Variants in CDH18 observed in about 807,000 individuals in gnomAD.
CDH18 encodes the protein cadherin-18.
CDH18 carries 31 observed loss-of-function variants against 67.9 expected under a neutral mutation model. That is an observed-to-expected ratio of 0.46 (90% CI 0.34 to 0.62). CDH18 has a LOEUF of 0.62. CDH18 is among the 20% of genes least tolerant of loss of function. The pLI is 0.01. For synonymous variants in CDH18, 362 were observed against 347.2 expected, an observed-to-expected ratio of 1.04 and a Z score of -0.48; for missense variants, 890 against 975.5, an observed-to-expected ratio of 0.91 and a Z score of 1.17.
chr5:19,962,576 C>A (rs1797030632), intron 2 of CDH18, among the ~76,000 whole-genome samples: 2 of 151,632 alleles, frequency 1.3e-5, no homozygotes, highest in Non-Finnish European at 2.9e-5. Flanking sequence ...GAGTATGAAA[C>A]CAGCTTGGCC....
chr5:20,217,139 A>G (rs998386276), intron 2 of CDH18, among the ~76,000 whole-genome samples: 1 of 151,898 alleles, frequency 6.6e-6, no homozygotes, highest in African/African-American at 2.4e-5. Flanking sequence ...AGAAAATGCT[A>G]AAGAGAGTTC....
intron 6 of CDH18, among the ~76,000 whole-genome samples, chr5:19,594,986 A>G (rs896005838): frequency 6.6e-6 from 1 of 152,196 alleles, no homozygotes; most frequent in African/African-American, 2.4e-5. Flanking sequence ...TCAGAATGAA[A>G]TAAGTAAAAC....
chr5:20,453,194 T>A (rs560818848), intron 1 of CDH18, among the ~76,000 whole-genome samples: 1 of 152,312 alleles, frequency 6.6e-6, no homozygotes, highest in South Asian at 2.1e-4. Flanking sequence ...ATAAACGGTA[T>A]GCATTACCAT....
intron 3 of CDH18, among the ~76,000 whole-genome samples, chr5:19,837,269 G>A (rs905717493): frequency 6.6e-6 from 1 of 152,078 alleles, no homozygotes; most frequent in African/African-American, 2.4e-5. Context: ...GGGGTTGGGG[G>A]CTAGGGGAGG....
rs377664098 is a variant in CDH18, at chr5:19,571,639, A to G, written c.1193T>C (p.Ile398Thr). The change falls in exon 8 of 13, where the codon ATT (isoleucine) becomes ACT (threonine). Residue 398 changes from isoleucine (I) to threonine (T), a missense_variant. Around this residue, in one of 2 missense-constraint regions of CDH18, gnomAD observed 656 missense variants for 668.1 expected, o/e 0.98. Transcript: ENST00000382275. ...CAAAACTGTACCAACGACGGTCCCAATCTTGGCATTTTCGTAGACTTCCAT... is the reference window on the plus strand; with the variant it reads ...CAAAACTGTACCAACGACGGTCCCAGTCTTGGCATTTTCGTAGACTTCCAT... ...YLMEVYENAK[I>T]GTVVGTVLAQ... 1.2e-6 allele frequency: 2 copies of G among 1,613,848 alleles called. No homozygotes were observed. The highest frequency in any genetic ancestry group is 2.2e-5 in the East Asian group (1 of 44,874).
At chr5:20,035,787 T>A (rs1380543750) in intron 2 of CDH18, among the ~76,000 whole-genome samples, 3 of 152,070 alleles carry the variant, frequency 2.0e-5, no homozygotes, top group African/African-American at 7.2e-5. Context: ...TCAGAAATAT[T>A]AACTTGCTGA....
At chr5:20,284,486 C>T (rs953133015) in intron 1 of CDH18, among the ~76,000 whole-genome samples, 1 of 151,920 alleles carries the variant, frequency 6.6e-6, no homozygotes, top group Non-Finnish European at 1.5e-5. Context: ...ACATGCCTAC[C>T]ATAATCCACT....
chr5:19,875,636 T>A (rs1239664698), intron 2 of CDH18, among the ~76,000 whole-genome samples: 1 of 151,960 alleles, frequency 6.6e-6, no homozygotes, highest in Non-Finnish European at 1.5e-5. Context: ...ACACATAAAA[T>A]CATAATTTTG....
In CDH18 at chr5:19,543,956, C is replaced by T. The variant is rs1310571340; in HGVS notation, c.1303G>A (p.Ala435Thr). Residue 435 changes from alanine to threonine, a missense_variant, in exon 9 of 13, where the codon GCC (alanine) becomes ACC (threonine). Ala to Thr is a moderately conservative substitution (Grantham distance 58). Coordinates refer to ENST00000382275, the MANE Select transcript of CDH18 (RefSeq NM_004934.5). Reference protein sequence around the residue: ...VEDDRFFNIDANTGTIRTTKV... With the variant: ...VEDDRFFNIDTNTGTIRTTKV... Reference sequence around the variant, plus strand: ...GTAGTCCTAATGGTCCCAGTATTGGCATCAATGTTGAAAAATCTGTCGTCT... The same window carrying T: ...GTAGTCCTAATGGTCCCAGTATTGGTATCAATGTTGAAAAATCTGTCGTCT... The T allele has an allele frequency of 6.9e-6, 11 of 1,594,640 alleles. No homozygotes were observed. The Admixed American group carries it at 1.2e-4, about 17-fold the overall frequency.
Position 20,115,270 on chromosome 5 carries a change from C to CTTTTTTTTTTTTT in CDH18, c.-517-123269_-517-123257dup, listed in dbSNP as rs753438800. On this transcript the variant is annotated intron_variant, in intron 2 of 14. Transcript: ENST00000507958. ...TGGGGCTCCACTCTCAGGGCCTCAT[C>CTTTTTTTTTTTTT]TTTTTTTTTTTTTTTTTTTTTTTTT... Among the ~76,000 whole-genome samples, 17 of 58,140 alleles carry CTTTTTTTTTTTTT rather than the reference C, an allele frequency of 2.9e-4. 3 individuals are homozygous for CTTTTTTTTTTTTT. Among genetic ancestry groups the CTTTTTTTTTTTTT allele is most frequent in the East Asian group, 1.3e-3 (2 of 1,558 alleles). 38.1% of individuals were successfully genotyped at this position (58,140 alleles called of 152,430 possible).
chr5:20,563,484 A>G (rs1215809013), intron 1 of CDH18, among the ~76,000 whole-genome samples: 1 of 62 alleles, frequency 0.016, no homozygotes, highest in Non-Finnish European at 0.031. Flanking sequence ...TGTTGACAGT[A>G]AGTTCACTCG....
chr5:19,603,025 G>A (rs1391711009), intron 6 of CDH18, among the ~76,000 whole-genome samples: 4 of 152,022 alleles, frequency 2.6e-5, no homozygotes, highest in Admixed American at 2.0e-4. Flanking sequence ...TTCCGCTTCT[G>A]GATATATACT....
At chr5:20,206,520 A>G (rs1225466664) in intron 2 of CDH18, among the ~76,000 whole-genome samples, 1 of 152,012 alleles carries the variant, frequency 6.6e-6, no homozygotes, top group Non-Finnish European at 1.5e-5. Context: ...CCAGACAAAG[A>G]TACAAGAAAA....
intron 3 of CDH18, among the ~76,000 whole-genome samples, chr5:19,782,382 G>A (rs748234578): frequency 1.5e-4 from 23 of 152,136 alleles, no homozygotes; most frequent in Non-Finnish European, 2.6e-4. Context: ...GACACGTGGG[G>A]ATTATGGAGA....
At chr5:20,319,263 CCTT>C (rs1737767496) in intron 1 of CDH18, among the ~76,000 whole-genome samples, 1 of 152,178 alleles carries the variant, frequency 6.6e-6, no homozygotes, top group East Asian at 1.9e-4. Context: ...GTTTTACCAA[CCTT>C]CTACTATTTT....
intron 1 of CDH18, among the ~76,000 whole-genome samples, chr5:20,317,964 T>A (rs1019690231): frequency 6.6e-5 from 10 of 152,184 alleles, no homozygotes; most frequent in Non-Finnish European, 1.2e-4. Flanking sequence ...TAGTATATTC[T>A]CTACTTGGAC....
chr5:19,562,977 C>T (rs1739714175), intron 8 of CDH18, among the ~76,000 whole-genome samples: 1 of 151,992 alleles, frequency 6.6e-6, no homozygotes, highest in Non-Finnish European at 1.5e-5. Flanking sequence ...AAATTAAGAG[C>T]AAGTTTATTA....
rs567897149 is a variant in CDH18 at position 20,571,065 on chromosome 5, C to T, written c.-580+4397G>A. ...GTTTCCTTACAAAGCCTGATATCAA[C>T]CTATTATATTAAAAATTACCCATTT... On this transcript the variant is annotated intron_variant, in intron 1 of 14. Coordinates refer to the CDH18 transcript ENST00000507958. Among the ~76,000 whole-genome samples, 89 of 152,160 alleles carry T rather than the reference C, an allele frequency of 5.8e-4. No homozygotes were observed. In the Middle Eastern group the frequency reaches 0.031, roughly 53 times the overall value.
intron 1 of CDH18, among the ~76,000 whole-genome samples, chr5:20,558,039 CATTA>C (rs141228726): frequency 3.5e-4 from 52 of 146,910 alleles, no homozygotes; most frequent in African/African-American, 1.1e-3. Context: ...AGTTATATAA[CATTA>C]ATTGTTATAT....
Sources: allele counts gnomAD v4.1 joint callset (sites outside exome capture counted in the v4.1 genomes callset), GRCh38; gene constraint gnomAD v4.1.1; regional missense constraint gnomAD v4.1.1; transcripts MANE v1.5; gene names NCBI Gene and HGNC (gene_info 2026-07-23, HGNC 2026-07-21).